MLXIPL: variants seen among roughly 807,000 people sequenced by gnomAD.
MLXIPL encodes the protein carbohydrate-responsive element-binding protein.
A neutral mutation model predicts 81.5 loss-of-function variants in MLXIPL; 49 were observed. The ratio of observed to expected loss-of-function variants is 0.60; its 90% CI spans 0.48 to 0.76. The LOEUF (loss-of-function observed/expected upper bound fraction) is 0.76, where lower values mean the gene tolerates loss of function less well. Among genes scored for constraint, MLXIPL ranks in the 30% least tolerant of loss-of-function variants. The pLI is 0.00. For missense variants in MLXIPL, 1,053 were observed against 1,167.0 expected, an observed-to-expected ratio of 0.90 and a Z score of 1.42; for synonymous variants, 466 against 485.5, an observed-to-expected ratio of 0.96 and a Z score of 0.53.
rs369190010 is a variant in MLXIPL at position 73,596,725 on chromosome 7, C to T, written c.1736G>A (p.Arg579Gln). Residue 579 changes from arginine to glutamine, a missense_variant, in exon 11 of 17, where the codon CGG becomes CAG. Arg to Gln is a conservative substitution (Grantham distance 43, BLOSUM62 1). This residue lies in a region of MLXIPL where 823 missense variants were observed against 933.0 expected (regional missense o/e 0.88). Coordinates refer to ENST00000313375, the MANE Select transcript of MLXIPL (RefSeq NM_032951.3). The surrounding 1 kb of genome is among the most constrained non-coding windows in gnomAD (Gnocchi z 4.7). ...LPPTPAPTPP[R>Q]PPPGPATLAP... ...CAATGTGGCCGGGCCTGGAGGTGGCCGGGGCGGTGTAGGGGCCGGGGTCGG... is the reference window on the plus strand; with the variant it reads ...CAATGTGGCCGGGCCTGGAGGTGGCTGGGGCGGTGTAGGGGCCGGGGTCGG... The T allele has an allele frequency of 8.6e-5, 137 of 1,590,964 alleles. No homozygotes were observed. In the African/African-American group the frequency reaches 9.8e-4, roughly 11 times the overall value.
intron 2 of MLXIPL, among the ~76,000 whole-genome samples, chr7:73,615,441 G>A (rs1441007874): frequency 6.6e-6 from 1 of 152,140 alleles, no homozygotes; most frequent in African/African-American, 2.4e-5. Context: ...TATGCTAATG[G>A]GATGCAAAAT....
intron 4 of MLXIPL, 125 bp downstream of exon 4, chr7:73,607,206 A>G (rs1376073446): frequency 3.7e-5 from 47 of 1,266,790 alleles, no homozygotes; most frequent in Non-Finnish European, 4.8e-5. Context: ...CCGGGACTGA[A>G]TGGAGGGCCC....
chr7:73,606,072 G>A lies in MLXIPL; in HGVS notation c.658C>T (p.Gln220Ter). 6.3e-7 allele frequency: 1 copy of A among 1,592,426 alleles called. No homozygotes were observed. The highest frequency in any genetic ancestry group is 8.5e-7 in the Non-Finnish European group (1 of 1,169,610). Residue 220 changes from glutamine (Q) to a stop codon, truncating the protein, a stop_gained, in exon 6 of 17, where the codon CAG (glutamine) becomes TAG (stop). Transcript: ENST00000313375. LOFTEE classifies it high-confidence loss of function. ...RWPPPEQWCK[Q>*]LFSSVVPVLL... The stretch of plus-strand genomic sequence containing the variant: ...ACGGGGACCACACTGGAGAAGAGCT[G>A]TTTGCACCATTGCTCCGGCGGCGGC...
At chr7:73,617,661 A>G (rs1796083498) in intron 1 of MLXIPL, among the ~76,000 whole-genome samples, 1 of 152,078 alleles carries the variant, frequency 6.6e-6, no homozygotes, top group Non-Finnish European at 1.5e-5. Flanking sequence ...CCTGGGCAAC[A>G]TAGCAAGACC....
At chr7:73,615,912 C>CAAA (rs71082239) in intron 2 of MLXIPL, among the ~76,000 whole-genome samples, 159 bp downstream of exon 2, 4 of 53,160 alleles carry the variant, frequency 7.5e-5, no homozygotes, top group Non-Finnish European at 1.6e-4. Context: ...GACTGTGTCT[C>CAAA]AAAAAAAAAA....
intron 7 of MLXIPL, among the ~76,000 whole-genome samples, chr7:73,604,391 G>A (rs1324966796): frequency 1.3e-5 from 2 of 151,294 alleles, no homozygotes; most frequent in African/African-American, 2.4e-5. Context: ...GGGCAATACA[G>A]GGAGGCCCTG....
chr7:73,628,015 T>C (rs539290651), upstream of MLXIPL, among the ~76,000 whole-genome samples: 4 of 152,096 alleles, frequency 2.6e-5, no homozygotes, highest in African/African-American at 9.6e-5. Flanking sequence ...AAAGATGAGG[T>C]CTCACTATAT....
At chr7:73,634,799 T>C in the MLXIPL span, among the ~76,000 whole-genome samples, 16 of 113,006 alleles carry the variant, frequency 1.4e-4, no homozygotes, top group Non-Finnish European at 2.8e-4. Context: ...TCTGCTTCTA[T>C]ATGTATTTAT....
chr7:73,598,849 G>A (rs150456655), intron 8 of MLXIPL, among the ~76,000 whole-genome samples: 1 of 152,028 alleles, frequency 6.6e-6, no homozygotes, highest in African/African-American at 2.4e-5. Flanking sequence ...GCCAGGTGTG[G>A]TGGCTCACAC....
intron 1 of MLXIPL, among the ~76,000 whole-genome samples, chr7:73,622,746 G>C (rs1554602574): frequency 6.6e-6 from 1 of 151,728 alleles, no homozygotes; most frequent in African/African-American, 2.4e-5. Context: ...CAGCCTCTGG[G>C]TGGGGGGGCA....
At position 73,596,178 on chromosome 7, in the gene MLXIPL, G is replaced by C. The variant is rs1554593699; in HGVS notation, c.2033C>G (p.Thr678Arg). The C allele has an allele frequency of 6.2e-7, 1 of 1,613,216 alleles. No homozygotes were observed. The highest frequency in any genetic ancestry group is 1.7e-5 in the Admixed American group (1 of 59,998). The change falls in exon 13 of 17, where the codon ACA becomes AGA. Residue 678 changes from threonine to arginine, a missense_variant. Thr to Arg is a moderately conservative substitution (Grantham distance 71). This residue lies in a region of MLXIPL where 823 missense variants were observed against 933.0 expected (regional missense o/e 0.88). Transcript: ENST00000313375. The surrounding 1 kb of genome is among the most constrained non-coding windows in gnomAD (Gnocchi z 4.7). Reference sequence around the variant, plus strand: ...CTTGAGGCTGGGCTGGGCACTGAGTGTGCTCACGAGCCCATGAAGGGTGTC... The same window carrying C: ...CTTGAGGCTGGGCTGGGCACTGAGTCTGCTCACGAGCCCATGAAGGGTGTC... ...GFDTLHGLVS[T>R]LSAQPSLKVS...
the MLXIPL span, among the ~76,000 whole-genome samples, chr7:73,633,513 G>A: frequency 6.6e-6 from 1 of 151,242 alleles, no homozygotes; most frequent in African/African-American, 2.4e-5. Flanking sequence ...GTGGAGACAG[G>A]GTTTCGTCAT....
In MLXIPL at chr7:73,606,024, C is replaced by G. The variant is rs868937804; in HGVS notation, c.706G>C (p.Glu236Gln). 1 of 1,588,782 alleles carries G rather than the reference C, an allele frequency of 6.3e-7. No individual in the cohort carries two copies. The highest frequency in any genetic ancestry group is 2.3e-5 in the East Asian group (1 of 43,914). The change falls in exon 6 of 17, where the codon GAG (glutamate) becomes CAG (glutamine). Residue 236 changes from glutamate to glutamine, a missense_variant. By Grantham distance (29) the Glu-to-Gln change is conservative. Coordinates refer to ENST00000313375, the MANE Select transcript of MLXIPL (RefSeq NM_032951.3). ...TCCAGGAGCTGCCGCCCACCCGGCT[C>G]CTCCTCTGGGTCCCCCAGCAGCACG... is the stretch of plus-strand genomic sequence containing the variant. ...VPVLLGDPEE[E>Q]PGGRQLLDLN...
rs147488696 is a variant in MLXIPL at position 73,612,327 on chromosome 7, T to C, written c.400+3744A>G. On this transcript the variant is annotated intron_variant, in intron 2 of 16. Coordinates refer to ENST00000313375, the MANE Select transcript of MLXIPL (RefSeq NM_032951.3). ...GCCTGGGTGATGAAGTGAGACCCTG[T>C]CTCAAAAAATAGAATAAAATTAAGT... Among the ~76,000 whole-genome samples the C allele has an allele frequency of 1.8e-3, 263 of 148,972 alleles. 1 individual carries two copies. Among genetic ancestry groups the C allele is most frequent in the African/African-American group, 6.1e-3 (244 of 40,204 alleles).
intron 7 of MLXIPL, among the ~76,000 whole-genome samples, chr7:73,599,900 A>G (rs1794650922): frequency 6.6e-6 from 1 of 151,968 alleles, no homozygotes; most frequent in South Asian, 2.1e-4. Flanking sequence ...TCTTGGGTGG[A>G]ATGAGCTTGC....
rs782494914 is a variant in MLXIPL at position 73,595,984 on chromosome 7, AG to A, written c.2059-16del. 3 of 1,611,824 alleles carry A rather than the reference AG, an allele frequency of 1.9e-6. No individual in the cohort carries two copies. Among genetic ancestry groups the A allele is most frequent in the Non-Finnish European group, 1.7e-6 (2 of 1,179,896 alleles). On this transcript the variant is annotated splice_polypyrimidine_tract_variant and intron_variant, in intron 13 of 16. Transcript: ENST00000313375. ...GCTTTGCTCACCTGCAGACGCCACC[AG>A]GGGGGCTCAGGCAGGTGCTAGAGGC... is the stretch of plus-strand genomic sequence containing the variant.
chr7:73,595,506 C>T (rs1255931605), intron 15 of MLXIPL, 131 bp downstream of exon 15: 10 of 1,596,202 alleles, frequency 6.3e-6, no homozygotes, highest in Non-Finnish European at 8.5e-6. Context: ...GGGGCAGAGC[C>T]AGAGCCTGTC....
chr7:73,622,093 A>C (rs1793395232), intron 1 of MLXIPL, among the ~76,000 whole-genome samples: 1 of 129,764 alleles, frequency 7.7e-6, no homozygotes, highest in Non-Finnish European at 1.6e-5. Flanking sequence ...TGGCACCATC[A>C]TGTCTTACTG....
rs574331245 is a variant in MLXIPL, at chr7:73,610,323, G to A, written c.401-2651C>T. The A allele has an allele frequency of 3.9e-5, 6 of 152,274 alleles. No homozygotes were observed. The East Asian group carries it at 9.7e-4, about 25-fold the overall frequency. 9.4% of individuals were successfully genotyped at this position (152,274 alleles called of 1,614,324 possible). A position where few individuals can be genotyped will look rare whatever the true frequency, so the allele number is the denominator to read the frequency against. ...GAGCTCATCTTCCAGTTGCAGCCAG[G>A]ACAATTCTTTCTAAAGTGCAGTTCA... On this transcript the variant is annotated intron_variant, in intron 2 of 16. Transcript: ENST00000313375.
Sources: gnomAD v4.1 joint callset for allele counts (sites outside exome capture counted in the v4.1 genomes callset) on GRCh38, gnomAD v4.1.1 for gene constraint, gnomAD v4.1.1 regional missense constraint, Gnocchi (gnomAD v3.1) non-coding constraint, MANE v1.5 for transcripts, NCBI Gene and HGNC (gene_info 2026-07-23, HGNC 2026-07-21) for gene names.